The following MMRN1 variants were observed in gnomAD, a reference collection of about 807,000 sequenced individuals.
MMRN1 encodes multimerin-1.
Under a neutral mutation model 100.7 loss-of-function variants are expected in MMRN1, and 94 were observed. That is an observed-to-expected ratio of 0.93 (90% CI 0.79 to 1.11). The LOEUF is 1.11. MMRN1 is among the 50% of genes least tolerant of loss of function. MMRN1 has a pLI of 0.00. For missense variants in MMRN1, 1,606 were observed against 1,439.1 expected, an observed-to-expected ratio of 1.12 and a Z score of -1.88; for synonymous variants, 575 against 505.0, an observed-to-expected ratio of 1.14 and a Z score of -1.86.
At chr4:89,926,706 G>A (rs112846187) in intron 4 of MMRN1, among the ~76,000 whole-genome samples, 434 of 152,166 alleles carry the variant, frequency 2.9e-3, no homozygotes, top group African/African-American at 9.9e-3. Flanking sequence ...TTTTTGCCTA[G>A]ACCAAATGTC....
intron 3 of MMRN1, among the ~76,000 whole-genome samples, chr4:89,916,311 T>A (rs1721913919): frequency 6.6e-6 from 1 of 151,162 alleles, no homozygotes; most frequent in African/African-American, 2.4e-5. Context: ...CTTTGTGTGA[T>A]GCTTAATAGT....
chr4:89,884,710 C>T (rs1184539483), intron 1 of MMRN1, among the ~76,000 whole-genome samples: 1 of 152,112 alleles, frequency 6.6e-6, no homozygotes, highest in Non-Finnish European at 1.5e-5. Flanking sequence ...GATCCTCCAG[C>T]CTCAGCCTCC....
intron 3 of MMRN1, among the ~76,000 whole-genome samples, chr4:89,916,946 T>A (rs2110605854): frequency 1.3e-5 from 2 of 151,906 alleles, no homozygotes; most frequent in South Asian, 4.1e-4. Flanking sequence ...ACACTTTACC[T>A]CTCACCTAGG....
At chr4:89,891,452 G>A (rs1052638912), upstream of MMRN1, among the ~76,000 whole-genome samples, 2 of 152,074 alleles carry the variant, frequency 1.3e-5, no homozygotes, top group Admixed American at 1.3e-4. Context: ...AATTACTAAT[G>A]TGTTACCCTA....
At chr4:89,950,972 T>A (rs1306017568) in intron 6 of MMRN1, among the ~76,000 whole-genome samples, 2 of 152,154 alleles carry the variant, frequency 1.3e-5, no homozygotes, top group East Asian at 3.8e-4. Context: ...ATCATTAAAC[T>A]TTGAAAATGG....
At chr4:89,912,397 G>T (rs1249989392) in intron 3 of MMRN1, among the ~76,000 whole-genome samples, 2 of 151,274 alleles carry the variant, frequency 1.3e-5, no homozygotes, top group Admixed American at 6.6e-5. Flanking sequence ...TATTAGAAGT[G>T]ACTCAATATA....
At chr4:89,890,081 A>G (rs1020474986), upstream of MMRN1, among the ~76,000 whole-genome samples, 1 of 151,942 alleles carries the variant, frequency 6.6e-6, no homozygotes, top group Non-Finnish European at 1.5e-5. Context: ...CTTCTTGATG[A>G]AGAAATTTCT....
chr4:89,896,810 T>C (rs903334857), intron 1 of MMRN1, among the ~76,000 whole-genome samples: 1 of 152,170 alleles, frequency 6.6e-6, no homozygotes, highest in Non-Finnish European at 1.5e-5. Context: ...AGTCTATTTT[T>C]CACTATATTT....
chr4:89,935,187 T>G lies in MMRN1; in HGVS notation c.1507T>G (p.Tyr503Asp). The G allele has an allele frequency of 6.2e-7, 1 of 1,613,406 alleles. No homozygotes were observed. Among genetic ancestry groups the G allele is most frequent in the Non-Finnish European group, 8.5e-7 (1 of 1,179,688 alleles). ...GGAACACTCAAGAAGCATTCTGTATTATGAATCCCTCAATAAAACTCTTTC... is the reference window on the plus strand; with the variant it reads ...GGAACACTCAAGAAGCATTCTGTATGATGAATCCCTCAATAAAACTCTTTC... ...EQEHSRSILY[Y>D]ESLNKTLSKL... Residue 503 changes from tyrosine (Y) to aspartate (D), a missense_variant, in exon 6 of 8, where the codon TAT (tyrosine) becomes GAT (aspartate). Physicochemically the swap from Tyr to Asp is radical, Grantham distance 160. Coordinates refer to ENST00000264790, the MANE Select transcript of MMRN1 (RefSeq NM_007351.3).
chr4:89,921,689 A>G (rs3775478), intron 3 of MMRN1, among the ~76,000 whole-genome samples: 21,915 of 152,188 alleles, frequency 0.14, 2,309 homozygotes, highest in East Asian at 0.3. Flanking sequence ...AGAATACAGC[A>G]GAGGAAATGA....
chr4:89,889,746 C>T (rs548269320), intron 1 of MMRN1, among the ~76,000 whole-genome samples: 1 of 152,176 alleles, frequency 6.6e-6, no homozygotes, highest in South Asian at 2.1e-4. Context: ...ATTCTTATAA[C>T]CTTAGGGTGG....
intron 2 of MMRN1, among the ~76,000 whole-genome samples, chr4:89,911,087 T>C (rs1192837722): frequency 1.3e-5 from 2 of 151,444 alleles, no homozygotes; most frequent in Admixed American, 1.3e-4. Context: ...ATAATAATAA[T>C]GCCTTCATCA....
Position 89,934,775 on chromosome 4 carries a change from TA to T in MMRN1, c.1130-31del, listed in dbSNP as rs554552651. On this transcript the variant is annotated intron_variant, in intron 5 of 7. Coordinates refer to ENST00000264790, the MANE Select transcript of MMRN1 (RefSeq NM_007351.3). ...AGAGATGCTTAAAGTCTCATATAAT[TA>T]AAACTATGTATTATTAATTATTTCT... The T allele has an allele frequency of 8.8e-4, 1,102 of 1,248,870 alleles. 13 individuals carry two copies. The African/African-American group carries it at 0.015, about 17-fold the overall frequency. 77.4% of individuals were successfully genotyped at this position (1,248,870 alleles called of 1,614,324 possible).
intron 1 of MMRN1, 61 bp from the exon 2 acceptor site, chr4:89,909,215 T>C: frequency 6.6e-7 from 1 of 1,523,314 alleles, no homozygotes; most frequent in Non-Finnish European, 8.9e-7. Context: ...GAAAATAATT[T>C]TGATGAAAAG....
chr4:89,892,327 T>C (rs1721072667), upstream of MMRN1, among the ~76,000 whole-genome samples: 1 of 151,388 alleles, frequency 6.6e-6, no homozygotes, highest in African/African-American at 2.4e-5. Flanking sequence ...AGGGTCCAGT[T>C]ATACAAAACT....
At chr4:89,897,635 C>G (rs1721251227) in intron 1 of MMRN1, among the ~76,000 whole-genome samples, 1 of 152,066 alleles carries the variant, frequency 6.6e-6, no homozygotes, top group South Asian at 2.1e-4. Flanking sequence ...GAACTAGTAA[C>G]TAATAGTTTG....
chr4:89,944,406 T>A (rs1161398534), intron 6 of MMRN1, among the ~76,000 whole-genome samples: 3 of 152,258 alleles, frequency 2.0e-5, no homozygotes, highest in Non-Finnish European at 2.9e-5. Context: ...GTTATACCTG[T>A]GTGCACATAT....
chr4:89,899,055 G>A (rs1721300425), intron 1 of MMRN1, among the ~76,000 whole-genome samples: 1 of 152,014 alleles, frequency 6.6e-6, no homozygotes, highest in African/African-American at 2.4e-5. Context: ...AAACCTGGTT[G>A]ATTTAGAATA....
rs1230504904 is a variant in MMRN1 at position 89,894,881 on chromosome 4, T to C, written c.-91T>C. 31 of 1,515,534 alleles carry C rather than the reference T, an allele frequency of 2.0e-5. No individual in the cohort carries two copies. The highest frequency in any genetic ancestry group is 2.7e-5 in the Non-Finnish European group (31 of 1,135,250). The allele number at this position is 1,515,534 out of a possible 1,614,324, so 93.9% of individuals were successfully genotyped here. A position where few individuals can be genotyped will look rare whatever the true frequency, so the allele number is the denominator to read the frequency against. On this transcript the variant is annotated 5_prime_UTR_variant, in exon 1 of 8. Coordinates refer to ENST00000264790, the MANE Select transcript of MMRN1 (RefSeq NM_007351.3). ...ATCTCAAACTGGCAAAACTCAGTCT[T>C]AGCAGATTCAGTGTGGAAGCAGCTA...
Sources: gnomAD v4.1 joint callset for allele counts (sites outside exome capture counted in the v4.1 genomes callset) on GRCh38, gnomAD v4.1.1 for gene constraint, MANE v1.5 for transcripts, NCBI Gene and HGNC (gene_info 2026-07-23, HGNC 2026-07-21) for gene names.